The following TMEM108 variants were observed in gnomAD, a reference collection of about 807,000 sequenced individuals.
The protein encoded by TMEM108 is transmembrane protein 108, also known as cancer/testis antigen 124.
TMEM108 carries 12 observed loss-of-function variants against 35.1 expected under a neutral mutation model. The observed-to-expected ratio is 0.34, with a 90% CI of 0.22 to 0.55. The LOEUF (loss-of-function observed/expected upper bound fraction) is 0.55. Ranked by LOEUF, TMEM108 falls within the 20% of genes least tolerant of loss-of-function variation. The pLI, the probability that TMEM108 is intolerant of heterozygous loss-of-function variation, is 0.89. For synonymous variants in TMEM108, 287 were observed against 308.6 expected, an observed-to-expected ratio of 0.93 and a Z score of 0.73; for missense variants, 680 against 753.3, an observed-to-expected ratio of 0.90 and a Z score of 1.14.
At chr3:133,190,105 A>AG (rs1945477707) in intron 2 of TMEM108, among the ~76,000 whole-genome samples, 1 of 151,812 alleles carries the variant, frequency 6.6e-6, no homozygotes, top group African/African-American at 2.4e-5. Flanking sequence ...GAAAAAAAAA[A>AG]TCTCATCACC....
intron 3 of TMEM108, among the ~76,000 whole-genome samples, chr3:133,363,346 A>G (rs1156306050): frequency 1.9e-4 from 29 of 151,452 alleles, no homozygotes; most frequent in Non-Finnish European, 1.5e-5. Flanking sequence ...CTGGTTGTTC[A>G]CTCTTAGAAT....
At chr3:133,161,771 C>T (rs1944965107) in intron 2 of TMEM108, among the ~76,000 whole-genome samples, 2 of 151,768 alleles carry the variant, frequency 1.3e-5, no homozygotes, top group African/African-American at 4.8e-5. Flanking sequence ...AATCTTGTCT[C>T]GCCATTTCTG....
chr3:133,180,268 A>T (rs1310723564), intron 2 of TMEM108, among the ~76,000 whole-genome samples: 1 of 152,172 alleles, frequency 6.6e-6, no homozygotes, highest in Non-Finnish European at 1.5e-5. Context: ...CTTCCAACTG[A>T]CCAGAAGTTC....
At chr3:133,110,212 T>G (rs916609913) in intron 2 of TMEM108, among the ~76,000 whole-genome samples, 4 of 152,100 alleles carry the variant, frequency 2.6e-5, no homozygotes, top group African/African-American at 9.7e-5. Flanking sequence ...AAACTTAAAC[T>G]CTGTTGCTTC....
Position 133,255,067 on chromosome 3 carries a change from T to C in TMEM108, c.40+25716T>C, listed in dbSNP as rs552832550. ...TGCAGAGAGAACCAGATAGAAGTCA[T>C]ATAATCCTTTCTAACCTACCTTCAG... On this transcript the variant is annotated intron_variant, in intron 3 of 5. Coordinates refer to ENST00000321871, the MANE Select transcript of TMEM108 (RefSeq NM_023943.4). Among the ~76,000 whole-genome samples the C allele has an allele frequency of 1.3e-4, 20 of 152,330 alleles. 1 individual carries two copies. Among genetic ancestry groups the C allele is most frequent in the South Asian group, 1.0e-3 (5 of 4,824 alleles).
intron 3 of TMEM108, among the ~76,000 whole-genome samples, chr3:133,315,723 C>T (rs1375648954): frequency 1.3e-5 from 2 of 152,138 alleles, no homozygotes; most frequent in East Asian, 1.9e-4. Context: ...ACGAAGTAGC[C>T]GAGAGATGGA....
At chr3:133,194,678 T>C (rs1945551550) in intron 2 of TMEM108, among the ~76,000 whole-genome samples, 1 of 152,096 alleles carries the variant, frequency 6.6e-6, no homozygotes, top group South Asian at 2.1e-4. Context: ...AAACACAACA[T>C]GGGTTGGGAC....
intron 2 of TMEM108, among the ~76,000 whole-genome samples, chr3:133,127,838 A>G (rs895805271): frequency 2.0e-5 from 3 of 152,166 alleles, no homozygotes; most frequent in African/African-American, 2.4e-5. Flanking sequence ...ATCAAGGTCA[A>G]TGTTGTTGAT....
At chr3:133,099,473 G>A (rs544483460) in intron 2 of TMEM108, among the ~76,000 whole-genome samples, 2 of 152,222 alleles carry the variant, frequency 1.3e-5, no homozygotes, top group Non-Finnish European at 2.9e-5. Flanking sequence ...CTGGCAGCCA[G>A]CTTGAATTTC....
intron 2 of TMEM108, among the ~76,000 whole-genome samples, chr3:133,135,036 T>C (rs1944545064): frequency 6.6e-6 from 1 of 152,218 alleles, no homozygotes; most frequent in African/African-American, 2.4e-5. Flanking sequence ...CTTTTCTATT[T>C]TTCCTCCACA....
chr3:133,148,047 A>G (rs566376645), intron 2 of TMEM108, among the ~76,000 whole-genome samples: 175 of 152,370 alleles, frequency 1.1e-3, no homozygotes, highest in African/African-American at 4.1e-3. Flanking sequence ...AGCTAGCTAC[A>G]GAAAAACAGA....
chr3:133,240,701 G>A lies in TMEM108; in HGVS notation c.40+11350G>A, dbSNP rs1055006961. On this transcript the variant is annotated intron_variant, in intron 3 of 5. Transcript: ENST00000321871. ...CTCTTACTAGCTATATGACTGCACA[G>A]AGTGCTTCAGCTCCCAGAGCTCCCT... is the stretch of plus-strand genomic sequence containing the variant. Among the ~76,000 whole-genome samples, 10 of 152,312 alleles carry A rather than the reference G, an allele frequency of 6.6e-5. 1 individual carries two copies. Among genetic ancestry groups the A allele is most frequent in the Admixed American group, 4.6e-4 (7 of 15,306 alleles).
chr3:133,127,624 C>T (rs780887005), intron 2 of TMEM108, among the ~76,000 whole-genome samples: 18 of 152,220 alleles, frequency 1.2e-4, no homozygotes, highest in Non-Finnish European at 1.8e-4. Context: ...TCATGCCAAC[C>T]TTGACAGTCT....
At chr3:133,372,969 A>G (rs2072719794) in intron 3 of TMEM108, among the ~76,000 whole-genome samples, 1 of 152,244 alleles carries the variant, frequency 6.6e-6, no homozygotes, top group African/African-American at 2.4e-5. Context: ...GGTTAAGGGA[A>G]ACCATGCTCC....
At chr3:133,123,003 G>C (rs1277128555) in intron 2 of TMEM108, among the ~76,000 whole-genome samples, 1 of 151,990 alleles carries the variant, frequency 6.6e-6, no homozygotes, top group African/African-American at 2.4e-5. Flanking sequence ...TACCAGAAAT[G>C]ACCTAATGTT....
intron 2 of TMEM108, among the ~76,000 whole-genome samples, chr3:133,070,510 G>A (rs1466304589): frequency 6.6e-6 from 1 of 152,096 alleles, no homozygotes; most frequent in Non-Finnish European, 1.5e-5. Flanking sequence ...TAGAACCCTA[G>A]TGCAACCTAT....
chr3:133,043,211 A>G lies in TMEM108; in HGVS notation c.-165-2691A>G, dbSNP rs562244982. Among the ~76,000 whole-genome samples the G allele has an allele frequency of 1.2e-4, 18 of 152,292 alleles. No homozygotes were observed. The South Asian group carries it at 3.3e-3, about 28-fold the overall frequency. On this transcript the variant is annotated intron_variant, in intron 1 of 5. Transcript: ENST00000321871. ...GAGAATCTTTCATATAATTCACTTCATTTGTAATCTTATGTATTTGATCTT... is the reference window on the plus strand; with the variant it reads ...GAGAATCTTTCATATAATTCACTTCGTTTGTAATCTTATGTATTTGATCTT...
At chr3:133,081,526 A>G (rs377030044) in intron 2 of TMEM108, among the ~76,000 whole-genome samples, 7 of 152,328 alleles carry the variant, frequency 4.6e-5, no homozygotes, top group East Asian at 1.9e-4. Flanking sequence ...GTTCACAGCA[A>G]TGATTGTGCC....
chr3:133,146,293 C>G (rs1051921998), intron 2 of TMEM108, among the ~76,000 whole-genome samples: 3 of 152,212 alleles, frequency 2.0e-5, no homozygotes, highest in Admixed American at 1.3e-4. Flanking sequence ...TTGAACCAGC[C>G]TTGCATCCCT....
Sources: gnomAD v4.1 joint callset for allele counts (sites outside exome capture counted in the v4.1 genomes callset) on GRCh38, gnomAD v4.1.1 for gene constraint, MANE v1.5 for transcripts, NCBI Gene and HGNC (gene_info 2026-07-23, HGNC 2026-07-21) for gene names.